The following ADCY8 variants were observed in gnomAD, a reference collection of about 807,000 sequenced individuals.
The protein encoded by ADCY8 is adenylate cyclase 8.
In ADCY8, 51 loss-of-function variants were observed where a neutral mutation model predicts 119.7. The ratio of observed to expected loss-of-function variants is 0.43; its 90% CI spans 0.34 to 0.54. The LOEUF (loss-of-function observed/expected upper bound fraction) is 0.54. Among genes scored for constraint, ADCY8 ranks in the 20% least tolerant of loss-of-function variants. The pLI is 0.03. For missense variants in ADCY8, 1,383 were observed against 1,598.8 expected (o/e 0.87, Z 2.30); for synonymous variants, 665 against 651.0 (o/e 1.02, Z -0.33).
At chr8:130,875,185 A>T (rs1818515316) in intron 8 of ADCY8, among the ~76,000 whole-genome samples, 1 of 152,204 alleles carries the variant, frequency 6.6e-6, no homozygotes, top group South Asian at 2.1e-4. Flanking sequence ...GCAAGATAAT[A>T]TCAAGACAAT....
chr8:131,034,459 A>AC (rs1281609430), intron 1 of ADCY8, among the ~76,000 whole-genome samples: 1 of 152,092 alleles, frequency 6.6e-6, no homozygotes, highest in Non-Finnish European at 1.5e-5. Context: ...CACAAAGAAA[A>AC]AAAAATTTCC....
intron 8 of ADCY8, among the ~76,000 whole-genome samples, chr8:130,873,499 T>C (rs754942310): frequency 2.1e-4 from 32 of 152,264 alleles, no homozygotes; most frequent in South Asian, 1.2e-3. Context: ...TTTGTATTTT[T>C]AGTAGAGACG....
At chr8:130,833,971 C>T (rs1451472365) in intron 12 of ADCY8, among the ~76,000 whole-genome samples, 1 of 151,886 alleles carries the variant, frequency 6.6e-6, no homozygotes, top group Admixed American at 6.6e-5. Flanking sequence ...TTCAAGAGAT[C>T]GATTGTAAAA....
intron 1 of ADCY8, among the ~76,000 whole-genome samples, chr8:131,020,604 T>C (rs1356710462): frequency 1.3e-5 from 2 of 152,240 alleles, no homozygotes; most frequent in Non-Finnish European, 2.9e-5. Flanking sequence ...TTCTCTACTT[T>C]TTAGAGTCCA....
Position 131,040,127 on chromosome 8 carries a change from C to G in ADCY8, c.207G>C (p.Ser69=). 4 of 1,531,534 alleles carry G rather than the reference C, an allele frequency of 2.6e-6. No individual in the cohort carries two copies. The South Asian group carries it at 4.8e-5, about 18-fold the overall frequency. 94.9% of individuals were successfully genotyped at this position (1,531,534 alleles called of 1,614,324 possible). The change falls in exon 1 of 18, where the codon TCG becomes TCC. Residue 69 remains serine (S), a synonymous_variant. Transcript: ENST00000286355. ...GSGSGGSGKA[S]DPAGGGPNHH... ...GGTTGGGGCCGCCGCCCGCAGGGTC[C>G]GAGGCTTTGCCCGAGCCTCCACTCC... is the stretch of plus-strand genomic sequence containing the variant.
chr8:130,972,199 C>A lies in ADCY8; in HGVS notation c.1110+18194G>T, dbSNP rs546333678. 2.0e-5 allele frequency among the ~76,000 whole-genome samples: 3 copies of A among 152,296 alleles called. No individual in the cohort carries two copies. In the East Asian group the frequency reaches 5.8e-4, roughly 29 times the overall value. On this transcript the variant is annotated intron_variant, in intron 2 of 17. Coordinates refer to ENST00000286355, the MANE Select transcript of ADCY8 (RefSeq NM_001115.3). Reference sequence around the variant, plus strand: ...TCATTTTGACAAAACCATTACCAACCATACTTTTATTGAGCACTTACTATG... The same window carrying A: ...TCATTTTGACAAAACCATTACCAACAATACTTTTATTGAGCACTTACTATG...
At chr8:130,815,494 A>T (rs1816307899) in intron 13 of ADCY8, among the ~76,000 whole-genome samples, 1 of 152,258 alleles carries the variant, frequency 6.6e-6, no homozygotes, top group African/African-American at 2.4e-5. Flanking sequence ...TCCATGTAAT[A>T]GCCCTAATAG....
chr8:130,816,456 C>T (rs1490153697), intron 13 of ADCY8, among the ~76,000 whole-genome samples: 8 of 121,856 alleles, frequency 6.6e-5, no homozygotes, highest in Non-Finnish European at 9.6e-5. Context: ...GACAGAGTCT[C>T]GCTCTGTCGC....
At chr8:130,928,785 C>T (rs982709001) in intron 5 of ADCY8, among the ~76,000 whole-genome samples, 1 of 152,064 alleles carries the variant, frequency 6.6e-6, no homozygotes. Context: ...TGGCTTTGGT[C>T]TCTGGATGAT....
chr8:130,888,391 A>G (rs1289056659), intron 7 of ADCY8, among the ~76,000 whole-genome samples: 2 of 152,072 alleles, frequency 1.3e-5, no homozygotes, highest in Non-Finnish European at 2.9e-5. Context: ...AAATAATGCT[A>G]TTCATTTACT....
chr8:131,003,637 T>C (rs1297934880), intron 1 of ADCY8, among the ~76,000 whole-genome samples: 1 of 126,206 alleles, frequency 7.9e-6, no homozygotes, highest in Non-Finnish European at 1.7e-5. Context: ...TTGGGCTTAT[T>C]AGCTCCATTT....
chr8:130,917,682 G>A (rs1337972013), intron 5 of ADCY8, among the ~76,000 whole-genome samples: 2 of 152,100 alleles, frequency 1.3e-5, no homozygotes, highest in African/African-American at 4.8e-5. Context: ...GGGGAGTTCT[G>A]AAGTTCTGAA....
At chr8:130,856,303 T>A (rs1436383047) in intron 9 of ADCY8, among the ~76,000 whole-genome samples, 1 of 152,010 alleles carries the variant, frequency 6.6e-6, no homozygotes, top group Non-Finnish European at 1.5e-5. Context: ...AGCTTTATGA[T>A]GGCAGAGACC....
chr8:130,938,738 T>C (rs1820867107), intron 4 of ADCY8, among the ~76,000 whole-genome samples: 1 of 152,212 alleles, frequency 6.6e-6, no homozygotes, highest in South Asian at 2.1e-4. Flanking sequence ...CTCTGGTACT[T>C]TCCCGTCAGA....
At chr8:130,913,656 A>ACC (rs11459519) in intron 5 of ADCY8, among the ~76,000 whole-genome samples, 1 of 151,906 alleles carries the variant, frequency 6.6e-6, no homozygotes, top group Non-Finnish European at 1.5e-5. Context: ...CTGCTATCAC[A>ACC]CCCCCCTCCT....
Position 131,019,901 on chromosome 8 carries a change from G to A in ADCY8, c.960+19473C>T, listed in dbSNP as rs72716429. On this transcript the variant is annotated intron_variant, in intron 1 of 17. Coordinates refer to ENST00000286355, the MANE Select transcript of ADCY8 (RefSeq NM_001115.3). ...AGGGAGTGTTTTTCAAGAAAATTGC[G>A]GGTGTTTTGAAAATGAAATGGAATT... 4.0e-3 allele frequency among the ~76,000 whole-genome samples: 602 copies of A among 149,230 alleles called. 1 individual carries two copies. Among genetic ancestry groups the A allele is most frequent in the Middle Eastern group, 0.018 (5 of 284 alleles).
chr8:130,907,881 C>G (rs1287966583), intron 6 of ADCY8, among the ~76,000 whole-genome samples: 1 of 152,110 alleles, frequency 6.6e-6, no homozygotes, highest in Non-Finnish European at 1.5e-5. Context: ...AGTTTCTCGT[C>G]CCTTGTCCCA....
intron 2 of ADCY8, among the ~76,000 whole-genome samples, chr8:130,966,857 C>T (rs912582932): frequency 3.3e-5 from 5 of 152,120 alleles, no homozygotes; most frequent in Admixed American, 6.5e-5. Flanking sequence ...TAGCATCTAG[C>T]ACATTGTAAC....
intron 2 of ADCY8, among the ~76,000 whole-genome samples, chr8:130,987,705 A>AT (rs1302355233): frequency 6.6e-6 from 1 of 152,166 alleles, no homozygotes; most frequent in Non-Finnish European, 1.5e-5. Flanking sequence ...CAATTATGGC[A>AT]TTATAATTAG....
Sources: allele counts gnomAD v4.1 joint callset (sites outside exome capture counted in the v4.1 genomes callset), GRCh38; gene constraint gnomAD v4.1.1; transcripts MANE v1.5; gene names NCBI Gene and HGNC (gene_info 2026-07-23, HGNC 2026-07-21).